Variants in DCDC1 observed in about 807,000 individuals in gnomAD.
DCDC1 encodes doublecortin domain containing 1.
Under a neutral mutation model 178.3 loss-of-function variants are expected in DCDC1, and 200 were observed. That is an observed-to-expected ratio of 1.12 (90% CI 1.00 to 1.26). The LOEUF (loss-of-function observed/expected upper bound fraction) is 1.26, where lower values mean the gene tolerates loss of function less well. Ranked by LOEUF, DCDC1 falls within the 50% of genes most tolerant of loss-of-function variation. The pLI is 0.00. For missense variants in DCDC1, 1,983 were observed against 1,749.2 expected (o/e 1.13, Z -2.38); for synonymous variants, 690 against 604.8 (o/e 1.14, Z -2.07).
chr11:31,230,375 A>G (rs1172667165), intron 9 of DCDC1, among the ~76,000 whole-genome samples: 1 of 152,084 alleles, frequency 6.6e-6, no homozygotes, highest in Non-Finnish European at 1.5e-5. Context: ...AAATAGAAAA[A>G]AAAAGAAAAA....
intron 10 of DCDC1, among the ~76,000 whole-genome samples, chr11:31,132,634 G>T (rs1340566388): frequency 6.6e-6 from 1 of 152,016 alleles, no homozygotes; most frequent in East Asian, 1.9e-4. Flanking sequence ...GTGTGTGTGG[G>T]GGCATCCATG....
intron 26 of DCDC1, among the ~76,000 whole-genome samples, chr11:30,916,431 G>A (rs1451270935): frequency 6.6e-6 from 1 of 152,074 alleles, no homozygotes; most frequent in Admixed American, 6.6e-5. Flanking sequence ...ATAATACAAA[G>A]TACTATATAT....
intron 36 of DCDC1, among the ~76,000 whole-genome samples, chr11:30,884,033 A>ATTTTTTTTTTTTTTTTTTTTT (rs59940255): frequency 4.2e-5 from 4 of 95,772 alleles, no homozygotes; most frequent in Non-Finnish European, 6.0e-5. Flanking sequence ...ATTCTTTCTC[A>ATTTTTTTTTTTTTTTTTTTTT]TTTTTTTTTT....
chr11:31,030,287 G>A (rs1200998237), intron 20 of DCDC1, among the ~76,000 whole-genome samples: 3 of 152,028 alleles, frequency 2.0e-5, no homozygotes, highest in African/African-American at 7.2e-5. Flanking sequence ...TTAGGATGAT[G>A]ACATTACCCA....
chr11:31,000,851 A>G (rs1464760122), intron 20 of DCDC1, among the ~76,000 whole-genome samples: 2 of 152,164 alleles, frequency 1.3e-5, no homozygotes, highest in Non-Finnish European at 2.9e-5. Flanking sequence ...AACTTTCAGA[A>G]AAGTTAGAAA....
intron 1 of DCDC1, among the ~76,000 whole-genome samples, chr11:31,340,036 T>C (rs1022435816): frequency 2.6e-5 from 4 of 152,174 alleles, no homozygotes; most frequent in Non-Finnish European, 4.4e-5. Flanking sequence ...TTGATGAAAA[T>C]AATGTTTTAC....
intron 20 of DCDC1, among the ~76,000 whole-genome samples, chr11:31,048,840 G>A (rs1019228074): frequency 1.3e-5 from 2 of 151,880 alleles, no homozygotes; most frequent in Non-Finnish European, 1.5e-5. Context: ...CTGGGCGAAA[G>A]AGCAAGACTC....
chr11:30,891,604 G>A (rs1308458377), intron 36 of DCDC1, among the ~76,000 whole-genome samples: 1 of 152,146 alleles, frequency 6.6e-6, no homozygotes, highest in African/African-American at 2.4e-5. Context: ...GAAAGAACCA[G>A]CAAGGAAAAG....
At chr11:31,326,230 GA>G (rs1438254781) in intron 3 of DCDC1, among the ~76,000 whole-genome samples, 2 of 152,110 alleles carry the variant, frequency 1.3e-5, no homozygotes, top group African/African-American at 4.8e-5. Context: ...ACAGCGGTAG[GA>G]AAGTGTCACA....
chr11:30,957,657 T>C (rs959772002), intron 20 of DCDC1, among the ~76,000 whole-genome samples: 3 of 152,170 alleles, frequency 2.0e-5, no homozygotes, highest in African/African-American at 7.2e-5. Context: ...ACTGTGCTTT[T>C]GAAAAACAAT....
intron 34 of DCDC1, among the ~76,000 whole-genome samples, chr11:30,898,994 G>A (rs1944447814): frequency 6.6e-6 from 1 of 152,082 alleles, no homozygotes; most frequent in Non-Finnish European, 1.5e-5. Flanking sequence ...ATGGAAGAAG[G>A]AGACCAATAA....
intron 36 of DCDC1, among the ~76,000 whole-genome samples, chr11:30,891,181 T>C (rs1943743273): frequency 1.3e-5 from 2 of 152,182 alleles, no homozygotes; most frequent in South Asian, 4.1e-4. Context: ...TACTTACGAC[T>C]ATTGATGTTA....
At chr11:31,141,852 C>T (rs1337043232) in intron 9 of DCDC1, among the ~76,000 whole-genome samples, 1 of 152,200 alleles carries the variant, frequency 6.6e-6, no homozygotes, top group South Asian at 2.1e-4. Context: ...CAGAGTTTAG[C>T]GCGAGAGCTT....
chr11:31,141,228 T>C (rs1187305361), intron 9 of DCDC1, among the ~76,000 whole-genome samples: 1 of 152,206 alleles, frequency 6.6e-6, no homozygotes, highest in Non-Finnish European at 1.5e-5. Flanking sequence ...AAATCTCTTT[T>C]ATAGGAGAAA....
At chr11:31,049,799 G>A (rs1955116856) in intron 20 of DCDC1, among the ~76,000 whole-genome samples, 1 of 152,198 alleles carries the variant, frequency 6.6e-6, no homozygotes, top group Non-Finnish European at 1.5e-5. Context: ...GCTGAGTCAA[G>A]TTAGAGAGCC....
intron 32 of DCDC1, among the ~76,000 whole-genome samples, chr11:30,902,119 C>T (rs1944724408): frequency 6.6e-6 from 1 of 152,002 alleles, no homozygotes; most frequent in South Asian, 2.1e-4. Context: ...TGAATGTGTG[C>T]TTTCCAAAAT....
At position 31,091,421 on chromosome 11, in the gene DCDC1, C is replaced by T; in HGVS notation, c.2209G>A (p.Glu737Lys). Reference sequence around the variant, plus strand: ...TTCTGTAAGATTAATTTATATCCTTCTAGTGATGTTCCCTCAGCAGCCTTG... The same window carrying T: ...TTCTGTAAGATTAATTTATATCCTTTTAGTGATGTTCCCTCAGCAGCCTTG... ...RVKAAEGTSL[E>K]GYKLILQKRH... Residue 737 changes from glutamate to lysine, a missense_variant, in exon 17 of 39, where the codon GAA becomes AAA. Coordinates refer to ENST00000684477, the MANE Select transcript of DCDC1 (RefSeq NM_001387274.1). 1 of 758,518 alleles carries T rather than the reference C, an allele frequency of 1.3e-6. No homozygotes were observed. Among genetic ancestry groups the T allele is most frequent in the Admixed American group, 1.7e-5 (1 of 58,120 alleles). The allele number at this position is 758,518 out of a possible 1,614,324, so 47.0% of individuals were successfully genotyped here.
At chr11:31,178,775 C>T (rs1236439054) in intron 9 of DCDC1, among the ~76,000 whole-genome samples, 1 of 152,152 alleles carries the variant, frequency 6.6e-6, no homozygotes, top group African/African-American at 2.4e-5. Flanking sequence ...TCACCACAAC[C>T]TCTACCTCCT....
intron 18 of DCDC1, among the ~76,000 whole-genome samples, chr11:31,076,089 C>T (rs1476640347): frequency 6.6e-6 from 1 of 152,154 alleles, no homozygotes; most frequent in African/African-American, 2.4e-5. Flanking sequence ...AAACTCCAGA[C>T]CTCAGGTGAT....
Sources: gnomAD v4.1 joint callset for allele counts (sites outside exome capture counted in the v4.1 genomes callset) on GRCh38, gnomAD v4.1.1 for gene constraint, MANE v1.5 for transcripts, NCBI Gene and HGNC (gene_info 2026-07-23, HGNC 2026-07-21) for gene names.